NOSTRIN: variants seen among roughly 807,000 people sequenced by gnomAD.
NOSTRIN encodes BM247 homolog.
Under a neutral mutation model 59.0 loss-of-function variants are expected in NOSTRIN, and 63 were observed. The ratio of observed to expected loss-of-function variants is 1.07; its 90% CI spans 0.87 to 1.32. The LOEUF is 1.32. NOSTRIN is among the 40% of genes most tolerant of loss of function. The probability of loss-of-function intolerance (pLI) is 0.00; values close to 1 mark genes in which losing one functional copy is unlikely to be tolerated. For missense variants in NOSTRIN, 512 were observed against 473.1 expected (o/e 1.08, Z -0.76); for synonymous variants, 200 against 165.4 (o/e 1.21, Z -1.61).
At chr2:168,804,604 G>A (rs1480754331) in intron 1 of NOSTRIN, among the ~76,000 whole-genome samples, 1 of 152,146 alleles carries the variant, frequency 6.6e-6, no homozygotes, top group Non-Finnish European at 1.5e-5. Flanking sequence ...TTTTATAAAA[G>A]AACCCAAAGC....
intron 15 of NOSTRIN, among the ~76,000 whole-genome samples, chr2:168,863,067 A>T (rs1421702197): frequency 6.6e-6 from 1 of 152,218 alleles, no homozygotes; most frequent in Non-Finnish European, 1.5e-5. Flanking sequence ...GAACCCATGG[A>T]TGCAGCATTT....
At chr2:168,836,913 C>A (rs1217034168) in intron 7 of NOSTRIN, among the ~76,000 whole-genome samples, 2 of 152,168 alleles carry the variant, frequency 1.3e-5, no homozygotes, top group African/African-American at 2.4e-5. Context: ...ATAGTCTGTT[C>A]AGGCTGCTAT....
chr2:168,834,316 G>A lies in NOSTRIN; in HGVS notation c.495G>A (p.Glu165=). The A allele has an allele frequency of 1.1e-6, 1 of 872,754 alleles. No individual in the cohort carries two copies. Among genetic ancestry groups the A allele is most frequent in the Non-Finnish European group, 2.0e-6 (1 of 501,562 alleles). The allele number at this position is 872,754 out of a possible 1,614,324, so 54.1% of individuals were successfully genotyped here. ...CCAAGCAATCTATGACTGAGAAGGAGAAGCGGAAGGTAAGCTGTCATGGCT... is the reference window on the plus strand; with the variant it reads ...CCAAGCAATCTATGACTGAGAAGGAAAAGCGGAAGGTAAGCTGTCATGGCT... ...ESSKQSMTEK[E]KRKLLNKLTK... The change falls in exon 7 of 16, where the codon GAG becomes GAA. Residue 165 remains glutamate, a synonymous_variant. Transcript: ENST00000317647.
chr2:168,863,684 C>T, intron 15 of NOSTRIN: 1 of 983,074 alleles, frequency 1.0e-6, no homozygotes, highest in Non-Finnish European at 1.2e-6. Flanking sequence ...GTGAGTTAAA[C>T]TTTTGGCCTG....
At chr2:168,787,306 C>T (rs978668178) in intron 1 of NOSTRIN, among the ~76,000 whole-genome samples, 1 of 152,154 alleles carries the variant, frequency 6.6e-6, no homozygotes, top group Non-Finnish European at 1.5e-5. Context: ...CTCATCCCTC[C>T]CCATGGGCAC....
Position 168,856,698 on chromosome 2 carries a change from C to T in NOSTRIN, c.973C>T (p.Arg325Ter), listed in dbSNP as rs768302112. 7 of 1,613,988 alleles carry T rather than the reference C, an allele frequency of 4.3e-6. No individual in the cohort carries two copies. The highest frequency in any genetic ancestry group is 1.7e-5 in the Admixed American group (1 of 60,014). ...CATGATTTCATTTTCAGGCCTGGAA[C>T]GAATGCTTAAAACGTACTCCAGCAC... ...KASKDKEGLE[R>*]MLKTYSSTSS... The change falls in exon 12 of 16, where the codon CGA becomes TGA. Residue 325 changes from arginine (R) to a stop codon, truncating the protein, a stop_gained. Transcript: ENST00000317647. LOFTEE classifies it high-confidence loss of function.
intron 2 of NOSTRIN, among the ~76,000 whole-genome samples, chr2:168,812,409 T>C (rs1686191294): frequency 6.6e-6 from 1 of 152,020 alleles, no homozygotes; most frequent in African/African-American, 2.4e-5. Flanking sequence ...AATTAGTAGG[T>C]TGTAGGGGAG....
At chr2:168,825,756 G>A (rs1037809080) in intron 3 of NOSTRIN, among the ~76,000 whole-genome samples, 10 of 152,152 alleles carry the variant, frequency 6.6e-5, no homozygotes, top group South Asian at 2.1e-4. Context: ...GCATGCAGAC[G>A]TGCCCTTGAA....
chr2:168,826,395 T>C (rs1422790882), intron 3 of NOSTRIN, among the ~76,000 whole-genome samples: 1 of 152,234 alleles, frequency 6.6e-6, no homozygotes, highest in Non-Finnish European at 1.5e-5. Context: ...GATATCCTGT[T>C]ACTTCATTAC....
At chr2:168,826,409 T>C (rs990996913) in intron 3 of NOSTRIN, among the ~76,000 whole-genome samples, 3 of 152,230 alleles carry the variant, frequency 2.0e-5, no homozygotes, top group Non-Finnish European at 4.4e-5. Context: ...TCATTACTTC[T>C]AATTCTTTCT....
At chr2:168,861,935 C>T (rs779151642) in intron 14 of NOSTRIN, 25 bp from the exon 15 acceptor site, 9 of 1,607,330 alleles carry the variant, frequency 5.6e-6, no homozygotes, top group Non-Finnish European at 7.7e-6. Flanking sequence ...ACACAGCATA[C>T]TAATTACAGC....
intron 3 of NOSTRIN, 46 bp from the exon 4 acceptor site, chr2:168,828,112 A>T: frequency 1.1e-6 from 1 of 870,344 alleles, no homozygotes; most frequent in South Asian, 1.3e-5. Context: ...CCTATTTCCT[A>T]GGAAAATGAC....
chr2:168,834,505 G>GCACACACA (rs1271378211), intron 7 of NOSTRIN, among the ~76,000 whole-genome samples, 180 bp downstream of exon 7: 270 of 103,114 alleles, frequency 2.6e-3, no homozygotes, highest in African/African-American at 6.2e-3. Flanking sequence ...GCGCGCGCGC[G>GCACACACA]CGCACACACA....
At chr2:168,792,719 A>T (rs1292785596) in intron 2 of NOSTRIN, among the ~76,000 whole-genome samples, 1 of 152,118 alleles carries the variant, frequency 6.6e-6, no homozygotes, top group Admixed American at 6.6e-5. Flanking sequence ...ACCTCAGGTG[A>T]TCCACCTGCC....
chr2:168,806,865 C>G (rs1160087189), intron 1 of NOSTRIN, among the ~76,000 whole-genome samples: 1 of 152,200 alleles, frequency 6.6e-6, no homozygotes, highest in Middle Eastern at 3.2e-3. Context: ...GCAAGCTCTT[C>G]TTCTTGTGCT....
chr2:168,843,349 A>C (rs1688209624), intron 8 of NOSTRIN, among the ~76,000 whole-genome samples: 1 of 152,230 alleles, frequency 6.6e-6, no homozygotes, highest in Non-Finnish European at 1.5e-5. Flanking sequence ...CCTAATTCTT[A>C]GTGGACAGGA....
Position 168,841,029 on chromosome 2 carries a change from G to C in NOSTRIN, c.505-1963G>C, listed in dbSNP as rs1020911599. Among the ~76,000 whole-genome samples the C allele has an allele frequency of 2.6e-5, 4 of 151,924 alleles. No homozygotes were observed. In the South Asian group the frequency reaches 8.3e-4, roughly 32 times the overall value. ...AAATTTTGGGAGGCTGAGGTAGACAGATCGCTTGAGCCCAGGAGTTGGAGA... is the reference window on the plus strand; with the variant it reads ...AAATTTTGGGAGGCTGAGGTAGACACATCGCTTGAGCCCAGGAGTTGGAGA... On this transcript the variant is annotated intron_variant, in intron 7 of 15. Transcript: ENST00000317647.
intron 1 of NOSTRIN, among the ~76,000 whole-genome samples, chr2:168,810,827 T>G (rs1031492288): frequency 6.6e-6 from 1 of 152,190 alleles, no homozygotes; most frequent in African/African-American, 2.4e-5. Flanking sequence ...GACATTTAGC[T>G]TCTCTGTTTG....
chr2:168,816,913 A>C (rs1401650796), intron 2 of NOSTRIN, among the ~76,000 whole-genome samples: 2 of 152,228 alleles, frequency 1.3e-5, no homozygotes, highest in Non-Finnish European at 2.9e-5. Context: ...ATGAAGATCA[A>C]GTTAGGCTAT....
Sources: gnomAD v4.1 joint callset for allele counts (sites outside exome capture counted in the v4.1 genomes callset) on GRCh38, gnomAD v4.1.1 for gene constraint, MANE v1.5 for transcripts, NCBI Gene and HGNC (gene_info 2026-07-23, HGNC 2026-07-21) for gene names.